Variants in STPG2 observed in about 807,000 individuals in gnomAD.
STPG2 encodes the protein sperm-tail PG-rich repeat-containing protein 2.
A neutral mutation model predicts 54.2 loss-of-function variants in STPG2; 56 were observed. The ratio of observed to expected loss-of-function variants is 1.03; its 90% CI spans 0.83 to 1.29. The LOEUF is 1.29. Ranked by LOEUF, STPG2 falls within the 50% of genes most tolerant of loss-of-function variation. STPG2 has a pLI of 0.00. For missense variants in STPG2, 596 were observed against 544.9 expected (o/e 1.09, Z -0.93); for synonymous variants, 200 against 181.8 (o/e 1.10, Z -0.81).
chr4:98,018,121 A>T (rs1736029565), intron 5 of STPG2, among the ~76,000 whole-genome samples: 1 of 151,926 alleles, frequency 6.6e-6, no homozygotes, highest in African/African-American at 2.4e-5. Flanking sequence ...TCACCCAATA[A>T]CTCATCATTT....
At chr4:97,564,496 T>G (rs1486487565) in intron 10 of STPG2, among the ~76,000 whole-genome samples, 1 of 152,238 alleles carries the variant, frequency 6.6e-6, no homozygotes, top group Non-Finnish European at 1.5e-5. Context: ...CTGGTTATTT[T>G]GCTCGTTAGT....
At chr4:97,565,864 A>G (rs1732419128) in intron 10 of STPG2, among the ~76,000 whole-genome samples, 1 of 152,076 alleles carries the variant, frequency 6.6e-6, no homozygotes, top group Non-Finnish European at 1.5e-5. Flanking sequence ...CCTCCCAGTT[A>G]GGCTGCTCAG....
chr4:97,843,887 C>A (rs1347135912), intron 8 of STPG2, among the ~76,000 whole-genome samples: 1 of 151,760 alleles, frequency 6.6e-6, no homozygotes, highest in Non-Finnish European at 1.5e-5. Flanking sequence ...TGACCTGTAA[C>A]CCCAGAGACC....
chr4:97,974,452 C>T lies in STPG2; in HGVS notation c.773-2012G>A, dbSNP rs867476234. ...CATGATTTGTTTAGAAATGTGAGGA[C>T]GTGAGATTTGGGAGGGGCCCAGGGT... On this transcript the variant is annotated intron_variant, in intron 6 of 10. Coordinates refer to ENST00000295268, the MANE Select transcript of STPG2 (RefSeq NM_174952.3). Among the ~76,000 whole-genome samples, 11 of 152,096 alleles carry T rather than the reference C, an allele frequency of 7.2e-5. No individual in the cohort carries two copies. In the East Asian group the frequency reaches 7.7e-4, roughly 11 times the overall value.
At chr4:97,975,860 A>G (rs975866884) in intron 6 of STPG2, among the ~76,000 whole-genome samples, 2 of 152,170 alleles carry the variant, frequency 1.3e-5, no homozygotes, top group African/African-American at 4.8e-5. Context: ...TAAATTGACT[A>G]TTTCACTAAG....
intron 10 of STPG2, among the ~76,000 whole-genome samples, chr4:97,616,629 G>T (rs1386763876): frequency 6.6e-6 from 1 of 151,958 alleles, no homozygotes; most frequent in Non-Finnish European, 1.5e-5. Context: ...ACTCAGAATT[G>T]CATGATAACT....
chr4:97,654,820 CAAT>C (rs770094805), intron 10 of STPG2, among the ~76,000 whole-genome samples: 4 of 151,592 alleles, frequency 2.6e-5, no homozygotes, highest in African/African-American at 7.3e-5. Context: ...TCATAAATAA[CAAT>C]AATCAAATGA....
intron 8 of STPG2, among the ~76,000 whole-genome samples, chr4:97,934,611 AAAT>A (rs534175105): frequency 3.9e-5 from 6 of 152,292 alleles, no homozygotes; most frequent in African/African-American, 1.4e-4. Flanking sequence ...GTGTTTATTG[AAAT>A]AATAATATAG....
chr4:97,828,318 C>CTGTGCT (rs749201360), intron 9 of STPG2, among the ~76,000 whole-genome samples: 3 of 152,134 alleles, frequency 2.0e-5, no homozygotes, highest in Admixed American at 6.5e-5. Context: ...CAAGGGAAGC[C>CTGTGCT]ATGAGGGACT....
At chr4:97,521,087 C>T (rs1031400228) in intron 4 of STPG2, among the ~76,000 whole-genome samples, 4 of 151,776 alleles carry the variant, frequency 2.6e-5, no homozygotes, top group African/African-American at 9.7e-5. Flanking sequence ...AAAAATACTC[C>T]ACTGTTTGTT....
intron 5 of STPG2, among the ~76,000 whole-genome samples, chr4:98,081,012 T>C (rs748184299): frequency 6.6e-6 from 1 of 152,216 alleles, no homozygotes; most frequent in Non-Finnish European, 1.5e-5. Context: ...TGGCCACTTT[T>C]ATGTCCTTGT....
At chr4:97,932,751 T>C (rs1732598474) in intron 8 of STPG2, among the ~76,000 whole-genome samples, 4 of 152,238 alleles carry the variant, frequency 2.6e-5, no homozygotes, top group Admixed American at 2.6e-4. Flanking sequence ...TACATTTTCT[T>C]TATCCAGTCC....
At chr4:98,097,739 A>C (rs1361697287) in intron 5 of STPG2, among the ~76,000 whole-genome samples, 2 of 152,154 alleles carry the variant, frequency 1.3e-5, no homozygotes, top group Non-Finnish European at 2.9e-5. Flanking sequence ...AGACTCCACA[A>C]AAAAAATTAT....
chr4:97,458,323 A>G (rs1729578240), intron 4 of STPG2, among the ~76,000 whole-genome samples: 1 of 152,208 alleles, frequency 6.6e-6, no homozygotes, highest in Non-Finnish European at 1.5e-5. Context: ...GAACTGAAGA[A>G]CAATTCATTT....
At chr4:97,674,297 G>A (rs1401650500) in intron 10 of STPG2, among the ~76,000 whole-genome samples, 3 of 151,970 alleles carry the variant, frequency 2.0e-5, no homozygotes, top group African/African-American at 7.3e-5. Context: ...AAGAAAAAGA[G>A]AAGAAACAAA....
chr4:97,672,166 CTTTTTTTTT>C (rs70953079), intron 10 of STPG2, among the ~76,000 whole-genome samples: 14 of 80,686 alleles, frequency 1.7e-4, no homozygotes, highest in African/African-American at 5.6e-4. Flanking sequence ...ACTGGTAATT[CTTTTTTTTT>C]TTTTTTTTTT....
chr4:97,666,246 C>A (rs978827156), intron 10 of STPG2, among the ~76,000 whole-genome samples: 1 of 152,144 alleles, frequency 6.6e-6, no homozygotes, highest in African/African-American at 2.4e-5. Flanking sequence ...ATGAACCATG[C>A]AGCCCCTGCT....
At chr4:97,847,549 C>T (rs1728992790) in intron 8 of STPG2, among the ~76,000 whole-genome samples, 2 of 152,010 alleles carry the variant, frequency 1.3e-5, no homozygotes, top group South Asian at 4.1e-4. Flanking sequence ...CTTCAAAGCT[C>T]AGTAAAATAA....
At chr4:98,087,775 T>G (rs568072517) in intron 5 of STPG2, among the ~76,000 whole-genome samples, 18 of 152,230 alleles carry the variant, frequency 1.2e-4, no homozygotes, top group Admixed American at 3.3e-4. Context: ...TTAGCCAGGA[T>G]GGTCTCAATC....
Sources: allele counts gnomAD v4.1 joint callset (sites outside exome capture counted in the v4.1 genomes callset), GRCh38; gene constraint gnomAD v4.1.1; transcripts MANE v1.5; gene names NCBI Gene and HGNC (gene_info 2026-07-23, HGNC 2026-07-21).